The following ABI1 variants were observed in gnomAD, a reference collection of about 807,000 sequenced individuals.
ABI1 encodes the protein abl interactor 1, also known as Abelson interactor 1.
Under a neutral mutation model 54.6 loss-of-function variants are expected in ABI1, and 14 were observed. That is an observed-to-expected ratio of 0.26 (90% CI 0.17 to 0.40). The LOEUF (loss-of-function observed/expected upper bound fraction) is 0.40. Ranked by LOEUF, ABI1 falls within the 10% of genes least tolerant of loss-of-function variation. ABI1 has a pLI of 1.00. For missense variants in ABI1, 443 were observed against 598.3 expected (o/e 0.74, Z 2.71); for synonymous variants, 194 against 209.3 (o/e 0.93, Z 0.63).
At chr10:26,798,842 A>T (rs1191448999) in intron 2 of ABI1, among the ~76,000 whole-genome samples, 4 of 151,942 alleles carry the variant, frequency 2.6e-5, no homozygotes, top group African/African-American at 9.7e-5. Flanking sequence ...TGGCACAGAG[A>T]TCTCAACACA....
intron 2 of ABI1, among the ~76,000 whole-genome samples, chr10:26,799,444 A>C (rs990817307): frequency 6.6e-6 from 1 of 152,208 alleles, no homozygotes; most frequent in African/African-American, 2.4e-5. Flanking sequence ...AAAGCAATAA[A>C]GAAGCTGCTT....
intron 2 of ABI1, among the ~76,000 whole-genome samples, chr10:26,793,105 C>T (rs1264561019): frequency 6.6e-6 from 1 of 152,152 alleles, no homozygotes; most frequent in Non-Finnish European, 1.5e-5. Flanking sequence ...GAACCTTGTA[C>T]ATAAGTAAAA....
chr10:26,765,419 T>C (rs951193250), intron 6 of ABI1, 101 bp from the exon 7 acceptor site: 1 of 798,976 alleles, frequency 1.3e-6, no homozygotes, highest in Non-Finnish European at 2.0e-6. Flanking sequence ...TTATGTCATA[T>C]AGTCATCCCT....
chr10:26,843,951 G>C (rs1012563345), intron 1 of ABI1, among the ~76,000 whole-genome samples: 1 of 152,024 alleles, frequency 6.6e-6, no homozygotes. Context: ...TATGCCAAAC[G>C]TGTCTAGACA....
At chr10:26,825,098 G>T (rs1433786821) in intron 1 of ABI1, among the ~76,000 whole-genome samples, 1 of 152,104 alleles carries the variant, frequency 6.6e-6, no homozygotes, top group African/African-American at 2.4e-5. Context: ...TGAAGGTTGG[G>T]GTAGCTGGGG....
At chr10:26,837,307 G>A (rs1382352373) in intron 1 of ABI1, among the ~76,000 whole-genome samples, 2 of 152,140 alleles carry the variant, frequency 1.3e-5, no homozygotes, top group East Asian at 3.9e-4. Flanking sequence ...GTCCTCACAT[G>A]GCAGAGAGAG....
intron 7 of ABI1, among the ~76,000 whole-genome samples, chr10:26,763,596 G>A (rs1238120794): frequency 6.7e-6 from 1 of 149,120 alleles, no homozygotes; most frequent in Non-Finnish European, 1.5e-5. Flanking sequence ...GCGGGGCAGG[G>A]GGGATTAGAC....
intron 2 of ABI1, among the ~76,000 whole-genome samples, chr10:26,786,292 C>T (rs932312830): frequency 4.6e-5 from 7 of 151,546 alleles, no homozygotes; most frequent in East Asian, 3.9e-4. Flanking sequence ...CGGCTCACTG[C>T]GCCCTCTGCC....
At chr10:26,834,763 T>C (rs2048929802) in intron 1 of ABI1, among the ~76,000 whole-genome samples, 1 of 152,102 alleles carries the variant, frequency 6.6e-6, no homozygotes. Flanking sequence ...GGTCAGGAGT[T>C]CGAGACCAGC....
chr10:26,783,897 T>C (rs557014934), intron 2 of ABI1, among the ~76,000 whole-genome samples: 1 of 152,264 alleles, frequency 6.6e-6, no homozygotes, highest in East Asian at 1.9e-4. Context: ...GGGCCCTTTG[T>C]CACTCTTGCA....
At chr10:26,818,001 C>CA (rs529475783) in intron 2 of ABI1, among the ~76,000 whole-genome samples, 22 of 147,398 alleles carry the variant, frequency 1.5e-4, no homozygotes, top group South Asian at 4.3e-4. Flanking sequence ...ACTAAAACTA[C>CA]AAAAAAAAAT....
Position 26,748,276 on chromosome 10 carries a change from A to C in ABI1, c.*294T>G, listed in dbSNP as rs1837159232. ...GGTACAATCTGAATCATGATTCGTT[A>C]AATATTATACCCCACTTCCCCCAGA... On this transcript the variant is annotated 3_prime_UTR_variant, in exon 11 of 11. Transcript: ENST00000376140. 3.6e-6 allele frequency: 1 copy of C among 279,268 alleles called. No homozygotes were observed. The highest frequency in any genetic ancestry group is 2.1e-5 in the African/African-American group (1 of 46,854). 17.3% of individuals were successfully genotyped at this position (279,268 alleles called of 1,614,324 possible).
intron 1 of ABI1, among the ~76,000 whole-genome samples, chr10:26,837,909 C>A (rs1564565953): frequency 6.6e-6 from 1 of 152,088 alleles, no homozygotes; most frequent in Admixed American, 6.6e-5. Context: ...GCCACCACAC[C>A]CAGCTTAGTT....
chr10:26,758,603 T>A lies in ABI1; in HGVS notation c.997+459A>T, dbSNP rs1054823627. 2.0e-5 allele frequency among the ~76,000 whole-genome samples: 3 copies of A among 152,190 alleles called. No individual in the cohort carries two copies. The South Asian group carries it at 6.2e-4, about 32-fold the overall frequency. On this transcript the variant is annotated intron_variant, in intron 8 of 10. Coordinates refer to ENST00000376140, the MANE Select transcript of ABI1 (RefSeq NM_001012750.3). Reference sequence around the variant, plus strand: ...CAAACAGTTTTAATCGGTTTTGAACTCATTTCTGAACACGTTAATGACCTT... The same window carrying A: ...CAAACAGTTTTAATCGGTTTTGAACACATTTCTGAACACGTTAATGACCTT...
rs530570791 is a variant in ABI1, at chr10:26,775,599, C to A, written c.462+1466G>T. ...TCAGCATATATTATGCTGTTTACAC[C>A]TCCCACTTACACATATACGATGAAA... On this transcript the variant is annotated intron_variant, in intron 3 of 10. Transcript: ENST00000376140. 7.2e-5 allele frequency among the ~76,000 whole-genome samples: 11 copies of A among 152,208 alleles called. No homozygotes were observed. In the South Asian group the frequency reaches 2.3e-3, roughly 32 times the overall value.
At position 26,860,927 on chromosome 10, in the gene ABI1, G is replaced by A; in HGVS notation, c.-64C>T. 1 of 1,477,468 alleles carries A rather than the reference G, an allele frequency of 6.8e-7. No homozygotes were observed. The highest frequency in any genetic ancestry group is 9.4e-7 in the Non-Finnish European group (1 of 1,060,170). 91.5% of individuals were successfully genotyped at this position (1,477,468 alleles called of 1,614,324 possible). A position where few individuals can be genotyped will look rare whatever the true frequency, so the allele number is the denominator to read the frequency against. On this transcript the variant is annotated 5_prime_UTR_variant, in exon 1 of 11. Transcript: ENST00000376140. This position sits in a 1 kb window ranked among gnomAD's most constrained non-coding sequence, Gnocchi z 4.1. ...GACAGAGGCAGCAAGGTCCGCCGAG[G>A]CTCCGAGCACCTCACAGCCCGGATA...
intron 2 of ABI1, among the ~76,000 whole-genome samples, chr10:26,816,925 T>C (rs747362628): frequency 3.9e-5 from 6 of 152,158 alleles, no homozygotes; most frequent in Non-Finnish European, 7.3e-5. Flanking sequence ...ATAATCCATG[T>C]ATAAGAATCA....
chr10:26,797,374 T>C (rs1844318519), intron 2 of ABI1, among the ~76,000 whole-genome samples: 1 of 152,210 alleles, frequency 6.6e-6, no homozygotes, highest in Non-Finnish European at 1.5e-5. Context: ...ATGCACTCTA[T>C]AAGTGCTCTA....
chr10:26,815,224 T>A (rs187788294), intron 2 of ABI1, among the ~76,000 whole-genome samples: 2 of 152,290 alleles, frequency 1.3e-5, no homozygotes, highest in East Asian at 1.9e-4. Flanking sequence ...CCTGTTTTTA[T>A]GTAAATTTAG....
Sources: allele counts gnomAD v4.1 joint callset (sites outside exome capture counted in the v4.1 genomes callset), GRCh38; gene constraint gnomAD v4.1.1; non-coding constraint Gnocchi (gnomAD v3.1); transcripts MANE v1.5; gene names NCBI Gene and HGNC (gene_info 2026-07-23, HGNC 2026-07-21).